Variants in GGT7 observed in about 807,000 individuals in gnomAD.
The protein encoded by GGT7 is glutathione hydrolase 7.
A neutral mutation model predicts 69.2 loss-of-function variants in GGT7; 30 were observed. The observed-to-expected ratio is 0.43, with a 90% CI of 0.32 to 0.59. GGT7 has a LOEUF of 0.59. Ranked by LOEUF, GGT7 falls within the 20% of genes least tolerant of loss-of-function variation. The probability of loss-of-function intolerance (pLI) is 0.05; values close to 1 mark genes in which losing one functional copy is unlikely to be tolerated. For missense variants in GGT7, 733 were observed against 901.1 expected (o/e 0.81, Z 2.39); for synonymous variants, 388 against 391.8 (o/e 0.99, Z 0.12).
chr20:34,870,631 A>ATT (rs548929207), intron 1 of GGT7, among the ~76,000 whole-genome samples: 22 of 142,966 alleles, frequency 1.5e-4, no homozygotes, highest in Admixed American at 2.1e-4. Context: ...GGCCTGGCTA[A>ATT]TTTTTTTTTT....
At position 34,852,234 on chromosome 20, in the gene GGT7, G is replaced by T. The variant is rs778644849; in HGVS notation, c.1508C>A (p.Pro503His). ...NQPFGSGLITPSGILLNSQML... is the reference protein window; with the variant it reads ...NQPFGSGLITHSGILLNSQML... ...CTGGCTGTTGAGCAGGATCCCCGAG[G>T]GGGTGATAAGGCCGCTGCCAAAGGG... Residue 503 changes from proline (P) to histidine (H), a missense_variant, in exon 12 of 15, where the codon CCC becomes CAC. Transcript: ENST00000336431. 7 of 1,613,960 alleles carry T rather than the reference G, an allele frequency of 4.3e-6. No individual in the cohort carries two copies. Among genetic ancestry groups the T allele is most frequent in the South Asian group, 1.1e-5 (1 of 91,092 alleles).
chr20:34,859,359 G>A (rs60789653), intron 7 of GGT7, 84 bp downstream of exon 7: 167,015 of 1,002,774 alleles, frequency 0.17, 15,358 homozygotes, highest in South Asian at 0.3. Flanking sequence ...AGGGAGGGAG[G>A]GAAGGAAGGA....
chr20:34,860,601 A>G (rs1201769118), intron 4 of GGT7, among the ~76,000 whole-genome samples: 1 of 151,216 alleles, frequency 6.6e-6, no homozygotes, highest in Non-Finnish European at 1.5e-5. Flanking sequence ...CAGTGTAGAA[A>G]GACACCTGTC....
Position 34,854,739 on chromosome 20 carries a change from A to T in GGT7, c.1230+57T>A. 5.6e-6 allele frequency: 9 copies of T among 1,609,314 alleles called. No individual in the cohort carries two copies. In the South Asian group the frequency reaches 9.9e-5, roughly 18 times the overall value. On this transcript the variant is annotated intron_variant, in intron 9 of 14. Transcript: ENST00000336431. ...TTAGTCCTGCCCTATGGCAGTACCCAATCTCCCCACTCCTAATATCCTTAA... is the reference window on the plus strand; with the variant it reads ...TTAGTCCTGCCCTATGGCAGTACCCTATCTCCCCACTCCTAATATCCTTAA...
chr20:34,861,683 G>A, intron 3 of GGT7, 121 bp from the exon 4 acceptor site: 1 of 544,152 alleles, frequency 1.8e-6, no homozygotes, highest in Non-Finnish European at 3.0e-6. Context: ...TTGGGGTCAG[G>A]TGTCTGAGCT....
At chr20:34,860,075 G>A in intron 5 of GGT7, 33 bp from the exon 6 acceptor site, 2 of 1,034,024 alleles carry the variant, frequency 1.9e-6, no homozygotes, top group Non-Finnish European at 2.9e-6. Context: ...GGTGGAGGAG[G>A]TCCTGGGGGA....
chr20:34,863,317 G>A lies in GGT7; in HGVS notation c.401C>T (p.Pro134Leu), dbSNP rs747016333. ...ALVMQIYFGD[P>L]QIFQQGAVVT... is the part of the protein sequence containing the mutation. ...CTCCCCATTTGTCCCCCTCACCTGGGGGTCCCCGAAGTAGATCTGCATGAC... is the reference window on the plus strand; with the variant it reads ...CTCCCCATTTGTCCCCCTCACCTGGAGGTCCCCGAAGTAGATCTGCATGAC... Residue 134 changes from proline (P) to leucine (L), a missense_variant, in exon 2 of 15, where the codon CCC (proline) becomes CTC (leucine). By Grantham distance (98) the Pro-to-Leu change is moderately conservative. Coordinates refer to ENST00000336431, the MANE Select transcript of GGT7 (RefSeq NM_178026.3). This position sits in a 1 kb window ranked among gnomAD's most constrained non-coding sequence, Gnocchi z 4.4. The A allele has an allele frequency of 1.2e-6, 2 of 1,609,690 alleles. No individual in the cohort carries two copies. The highest frequency in any genetic ancestry group is 8.5e-7 in the Non-Finnish European group (1 of 1,176,548).
chr20:34,862,987 G>C, intron 2 of GGT7, 22 bp from the exon 3 acceptor site: 1 of 1,603,514 alleles, frequency 6.2e-7, no homozygotes, highest in Non-Finnish European at 8.5e-7. Context: ...AAGAGGACTT[G>C]GTGGGGGCAG....
chr20:34,863,302 G>A lies in GGT7; in HGVS notation c.405+11C>T. ...CCCAGTTTCCTCCCCCTCCCCATTT[G>A]TCCCCCTCACCTGGGGGTCCCCGAA... On this transcript the variant is annotated intron_variant, in intron 2 of 14. Transcript: ENST00000336431. This position sits in a 1 kb window ranked among gnomAD's most constrained non-coding sequence, Gnocchi z 4.4. The A allele has an allele frequency of 1.4e-6, 2 of 1,415,650 alleles. No homozygotes were observed. The highest frequency in any genetic ancestry group is 2.0e-6 in the Non-Finnish European group (2 of 1,020,866). 87.7% of individuals were successfully genotyped at this position (1,415,650 alleles called of 1,614,324 possible). A position where few individuals can be genotyped will look rare whatever the true frequency, so the allele number is the denominator to read the frequency against.
chr20:34,866,199 T>C (rs1029653153), intron 1 of GGT7, among the ~76,000 whole-genome samples: 1 of 152,222 alleles, frequency 6.6e-6, no homozygotes, highest in Non-Finnish European at 1.5e-5. Flanking sequence ...AAGTTACTCT[T>C]GGGAAAGGAT....
intron 3 of GGT7, among the ~76,000 whole-genome samples, chr20:34,861,906 CTGTCT>C (rs1482783576): frequency 1.3e-5 from 2 of 152,212 alleles, no homozygotes; most frequent in Non-Finnish European, 2.9e-5. Context: ...CTTCCTGCAC[CTGTCT>C]ACTTGGTATG....
intron 14 of GGT7, among the ~76,000 whole-genome samples, chr20:34,847,284 C>A (rs1484073388): frequency 9.2e-5 from 14 of 152,238 alleles, no homozygotes; most frequent in African/African-American, 3.4e-4. Context: ...GGGCCATATC[C>A]CAGCTGCTTC....
At chr20:34,852,058 G>T in intron 12 of GGT7, 97 bp downstream of exon 12, 1 of 814,992 alleles carries the variant, frequency 1.2e-6, no homozygotes, top group Non-Finnish European at 2.2e-6. Context: ...TATACTAGAA[G>T]ATTCTGGAGA....
chr20:34,852,386 T>C lies in GGT7; in HGVS notation c.1469+3A>G. 6.2e-7 allele frequency: 1 copy of C among 1,614,040 alleles called. No homozygotes were observed. The highest frequency in any genetic ancestry group is 8.5e-7 in the Non-Finnish European group (1 of 1,179,966). ...TCCAGGTTCTGAGTCTGAGCTGGCATACCTAACCATGGCCACAATGAAGTC... is the reference window on the plus strand; with the variant it reads ...TCCAGGTTCTGAGTCTGAGCTGGCACACCTAACCATGGCCACAATGAAGTC... On this transcript the variant is annotated splice_donor_region_variant and intron_variant, in intron 11 of 14. Coordinates refer to ENST00000336431, the MANE Select transcript of GGT7 (RefSeq NM_178026.3).
intron 14 of GGT7, among the ~76,000 whole-genome samples, chr20:34,849,049 T>A (rs6088624): frequency 0.33 from 50,287 of 151,928 alleles, 8,796 homozygotes; most frequent in Middle Eastern, 0.4. Flanking sequence ...TACCTTGGTC[T>A]CCTTTTTAGT....
chr20:34,869,597 G>A (rs569546817), intron 1 of GGT7, among the ~76,000 whole-genome samples: 1 of 152,292 alleles, frequency 6.6e-6, no homozygotes, highest in East Asian at 1.9e-4. Context: ...ATATTGATAA[G>A]AGAGGTTGGT....
chr20:34,862,784 T>C, intron 3 of GGT7, 30 bp downstream of exon 3: 1 of 1,612,180 alleles, frequency 6.2e-7, no homozygotes, highest in Non-Finnish European at 8.5e-7. Context: ...GAAGTAGGCC[T>C]GGGGGACCCC....
At chr20:34,869,452 G>A (rs1024190776) in intron 1 of GGT7, among the ~76,000 whole-genome samples, 2 of 152,184 alleles carry the variant, frequency 1.3e-5, no homozygotes, top group African/African-American at 4.8e-5. Context: ...GATTACAGGT[G>A]TATGCCACTA....
intron 7 of GGT7, 91 bp from the exon 8 acceptor site, chr20:34,856,984 G>A (rs990244465): frequency 1.2e-5 from 10 of 805,734 alleles, no homozygotes; most frequent in Middle Eastern, 2.3e-4. Flanking sequence ...CAGATCAGCT[G>A]TTTATAACTT....
Sources: allele counts gnomAD v4.1 joint callset (sites outside exome capture counted in the v4.1 genomes callset), GRCh38; gene constraint gnomAD v4.1.1; non-coding constraint Gnocchi (gnomAD v3.1); transcripts MANE v1.5; gene names NCBI Gene and HGNC (gene_info 2026-07-23, HGNC 2026-07-21).